ARFGEF3: variants seen among roughly 807,000 people sequenced by gnomAD.
ARFGEF3 encodes the protein brefeldin A-inhibited guanine nucleotide-exchange protein 3.
In ARFGEF3, 96 loss-of-function variants were observed where a neutral mutation model predicts 221.7. That is an observed-to-expected ratio of 0.43 (90% CI 0.37 to 0.51). The LOEUF (loss-of-function observed/expected upper bound fraction) is 0.51, where lower values mean the gene tolerates loss of function less well. ARFGEF3 is among the 20% of genes least tolerant of loss of function. ARFGEF3 has a pLI of 0.00. For missense variants in ARFGEF3, 2,410 were observed against 2,789.9 expected (o/e 0.86, Z 3.07); for synonymous variants, 1,145 against 1,126.8 (o/e 1.02, Z -0.32).
intron 28 of ARFGEF3, among the ~76,000 whole-genome samples, chr6:138,320,195 G>GA (rs1326212398): frequency 6.6e-6 from 1 of 152,032 alleles, no homozygotes; most frequent in African/African-American, 2.4e-5. Flanking sequence ...ATATAAAAAA[G>GA]AAAAAAAGAA....
chr6:138,296,404 G>C (rs1464951889), intron 20 of ARFGEF3, among the ~76,000 whole-genome samples: 1 of 152,172 alleles, frequency 6.6e-6, no homozygotes, highest in Non-Finnish European at 1.5e-5. Context: ...GCAATTTTAG[G>C]AGTGGGCAGT....
intron 2 of ARFGEF3, among the ~76,000 whole-genome samples, chr6:138,194,258 A>C (rs552669588): frequency 8.5e-5 from 12 of 141,834 alleles, no homozygotes; most frequent in Non-Finnish European, 1.8e-4. Flanking sequence ...ACAGAGCAAG[A>C]CTCCGTCTCC....
At chr6:138,292,093 A>T in intron 19 of ARFGEF3, 40 bp downstream of exon 19, 1 of 1,362,368 alleles carries the variant, frequency 7.3e-7, no homozygotes, top group Non-Finnish European at 9.5e-7. Flanking sequence ...GAGCCTGCTT[A>T]CCAGGCGACA....
rs142976183 is a variant in ARFGEF3 at position 138,265,198 on chromosome 6, C to T, written c.2128+1587C>T. 1.7e-3 allele frequency among the ~76,000 whole-genome samples: 260 copies of T among 152,222 alleles called. 5 individuals are homozygous for T. In the East Asian group the frequency reaches 0.033, roughly 19 times the overall value. On this transcript the variant is annotated intron_variant, in intron 12 of 33. Transcript: ENST00000251691. ...GATTACAGGCATGAGCCACTGCGCC[C>T]GGCTGGAACATTTTTTAATAAGAGA... is the stretch of plus-strand genomic sequence containing the variant.
chr6:138,176,048 A>T (rs1776939556), intron 2 of ARFGEF3, among the ~76,000 whole-genome samples: 1 of 152,186 alleles, frequency 6.6e-6, no homozygotes, highest in Non-Finnish European at 1.5e-5. Flanking sequence ...TATCTGACAT[A>T]AGTATAGTGA....
In ARFGEF3 at chr6:138,334,393, G is replaced by A. The variant is rs761533765; in HGVS notation, c.5547G>A (p.Thr1849=). 5.2e-5 allele frequency: 84 copies of A among 1,612,970 alleles called. 1 individual carries two copies. The South Asian group carries it at 6.8e-4, about 13-fold the overall frequency. ...TTTTTGAGGACGACGAGAGAAGCACGGATTCTTCCCAGCAGTGTTCATCTG... is the reference window on the plus strand; with the variant it reads ...TTTTTGAGGACGACGAGAGAAGCACAGATTCTTCCCAGCAGTGTTCATCTG... ...KVLFEDDERS[T]DSSQQCSSED... Residue 1849 remains threonine, a synonymous_variant, in exon 33 of 34, where the codon ACG becomes ACA. Coordinates refer to ENST00000251691, the MANE Select transcript of ARFGEF3 (RefSeq NM_020340.5). The surrounding 1 kb of genome is among the most constrained non-coding windows in gnomAD (Gnocchi z 5.1).
At chr6:138,262,259 G>A (rs532944161) in intron 11 of ARFGEF3, among the ~76,000 whole-genome samples, 4 of 147,454 alleles carry the variant, frequency 2.7e-5, no homozygotes, top group Middle Eastern at 3.8e-3. Flanking sequence ...GCACGATCTC[G>A]GCTCACTGCA....
At chr6:138,181,084 T>C (rs987092050) in intron 2 of ARFGEF3, among the ~76,000 whole-genome samples, 2 of 152,242 alleles carry the variant, frequency 1.3e-5, no homozygotes, top group Admixed American at 1.3e-4. Context: ...ATGGTTTCCA[T>C]GTTCTATTCC....
At chr6:138,192,395 G>T (rs1443496135) in intron 2 of ARFGEF3, among the ~76,000 whole-genome samples, 3 of 152,198 alleles carry the variant, frequency 2.0e-5, no homozygotes, top group Non-Finnish European at 4.4e-5. Flanking sequence ...GCTGAGGCAG[G>T]AGAATAGCTT....
At position 138,334,726 on chromosome 6, in the gene ARFGEF3, C is replaced by A. The variant is rs1206482944; in HGVS notation, c.5880C>A (p.Thr1960=). The change falls in exon 33 of 34, where the codon ACC becomes ACA. Residue 1960 remains threonine (T), a synonymous_variant. Transcript: ENST00000251691. The surrounding 1 kb of genome is among the most constrained non-coding windows in gnomAD (Gnocchi z 5.1). ...PSTGGFSGKE[T]PSEDDRSQSR... ...CCGGGGGCTTCTCTGGGAAAGAAACCCCTTCCGAGGATGACAGAAGCCAGT... is the reference window on the plus strand; with the variant it reads ...CCGGGGGCTTCTCTGGGAAAGAAACACCTTCCGAGGATGACAGAAGCCAGT... The A allele has an allele frequency of 1.2e-6, 2 of 1,609,160 alleles. No individual in the cohort carries two copies. The highest frequency in any genetic ancestry group is 1.3e-5 in the African/African-American group (1 of 74,740).
Position 138,223,564 on chromosome 6 carries a change from G to A in ARFGEF3, c.352-6220G>A, listed in dbSNP as rs140181730. 3.7e-3 allele frequency among the ~76,000 whole-genome samples: 565 copies of A among 152,292 alleles called. 2 individuals are homozygous for A. The highest frequency in any genetic ancestry group is 0.02 in the Middle Eastern group (6 of 294). ...AAACCACAGTTCCCCCCAAGAAGGA[G>A]TTGTGTGTTAATTAAGATAATTTTT... On this transcript the variant is annotated intron_variant, in intron 4 of 33. Coordinates refer to ENST00000251691, the MANE Select transcript of ARFGEF3 (RefSeq NM_020340.5).
At chr6:138,264,517 C>A (rs1778851860) in intron 12 of ARFGEF3, among the ~76,000 whole-genome samples, 1 of 152,094 alleles carries the variant, frequency 6.6e-6, no homozygotes, top group Admixed American at 6.6e-5. Context: ...AAGGGCTGAC[C>A]CTGGGAACTG....
chr6:138,187,076 C>T (rs1777204558), intron 2 of ARFGEF3, among the ~76,000 whole-genome samples: 1 of 152,026 alleles, frequency 6.6e-6, no homozygotes, highest in East Asian at 1.9e-4. Context: ...CCACCACACC[C>T]AGCTAATGTT....
In ARFGEF3 at chr6:138,238,559, T is replaced by G; in HGVS notation, c.471T>G (p.Thr157=). Residue 157 remains threonine, a synonymous_variant, in exon 6 of 34, where the codon ACT becomes ACG. Transcript: ENST00000251691. The stretch of plus-strand genomic sequence containing the variant: ...GCTGTCACCAGCGTAGCATAAACAC[T>G]GCTGTGCGGGCAACTCTCAGTCAAA... ...ISSCHQRSIN[T]AVRATLSQML... 1.2e-6 allele frequency: 2 copies of G among 1,613,860 alleles called. No homozygotes were observed. Among genetic ancestry groups the G allele is most frequent in the Non-Finnish European group, 1.7e-6 (2 of 1,179,778 alleles).
At chr6:138,249,767 G>A (rs932981802) in intron 8 of ARFGEF3, among the ~76,000 whole-genome samples, 1 of 152,188 alleles carries the variant, frequency 6.6e-6, no homozygotes, top group Non-Finnish European at 1.5e-5. Flanking sequence ...TGATTTTCCA[G>A]TACAATTCCC....
At chr6:138,256,537 A>G (rs1778685184) in intron 10 of ARFGEF3, among the ~76,000 whole-genome samples, 1 of 152,106 alleles carries the variant, frequency 6.6e-6, no homozygotes, top group Non-Finnish European at 1.5e-5. Context: ...GCTGCCAACC[A>G]ATATCTAGAA....
chr6:138,298,497 G>T, intron 21 of ARFGEF3, 109 bp from the exon 22 acceptor site: 1 of 794,794 alleles, frequency 1.3e-6, no homozygotes. Context: ...GATTTTAACA[G>T]AATTGCTGCT....
At chr6:138,281,115 T>C (rs1458669734) in intron 14 of ARFGEF3, among the ~76,000 whole-genome samples, 1 of 152,176 alleles carries the variant, frequency 6.6e-6, no homozygotes, top group African/African-American at 2.4e-5. Context: ...GATTTCATCA[T>C]TGTTTTGAGA....
At position 138,337,051 on chromosome 6, in the gene ARFGEF3, C is replaced by G. The variant is rs531630976; in HGVS notation, c.*565C>G. 4.3e-4 allele frequency: 66 copies of G among 152,696 alleles called. No individual in the cohort carries two copies. The highest frequency in any genetic ancestry group is 6.5e-4 in the Non-Finnish European group (44 of 68,028). The allele number at this position is 152,696 out of a possible 1,614,324, so 9.5% of individuals were successfully genotyped here. On this transcript the variant is annotated 3_prime_UTR_variant, in exon 34 of 34. Coordinates refer to ENST00000251691, the MANE Select transcript of ARFGEF3 (RefSeq NM_020340.5). ...GAGGTGACTTCTGTTGTAAAATAAT[C>G]CAGAACACTTCAAAATTATTCCTAA...
Sources: allele counts gnomAD v4.1 joint callset (sites outside exome capture counted in the v4.1 genomes callset), GRCh38; gene constraint gnomAD v4.1.1; non-coding constraint Gnocchi (gnomAD v3.1); transcripts MANE v1.5; gene names NCBI Gene and HGNC (gene_info 2026-07-23, HGNC 2026-07-21).